CLTC: variants seen among roughly 807,000 people sequenced by gnomAD.
CLTC encodes clathrin heavy chain, also known as clathrin heavy chain 1.
CLTC carries 16 observed loss-of-function variants against 195.8 expected under a neutral mutation model. That is an observed-to-expected ratio of 0.08 (90% CI 0.06 to 0.12). The LOEUF (loss-of-function observed/expected upper bound fraction) is 0.12. CLTC is among the 10% of genes least tolerant of loss of function. The pLI, the probability that CLTC is intolerant of heterozygous loss-of-function variation, is 1.00. For missense variants in CLTC, 796 were observed against 2,027.0 expected (o/e 0.39, Z 11.66); for synonymous variants, 667 against 689.4 (o/e 0.97, Z 0.51).
Position 59,666,056 on chromosome 17 carries a change from C to T in CLTC, c.1645-47C>T. On this transcript the variant is annotated intron_variant, in intron 10 of 31. Coordinates refer to ENST00000269122, the MANE Select transcript of CLTC (RefSeq NM_004859.4). The surrounding 1 kb of genome is among the most constrained non-coding windows in gnomAD (Gnocchi z 4.9). ...GTTCATGCATAATTTTGTCTACATA[C>T]TCTCCATAGTATCTTAAAACAATTT... 1 of 1,412,320 alleles carries T rather than the reference C, an allele frequency of 7.1e-7. No individual in the cohort carries two copies. Among genetic ancestry groups the T allele is most frequent in the Non-Finnish European group, 9.8e-7 (1 of 1,016,368 alleles). The allele number at this position is 1,412,320 out of a possible 1,614,324, so 87.5% of individuals were successfully genotyped here.
intron 1 of CLTC, among the ~76,000 whole-genome samples, chr17:59,639,161 T>G (rs993961475): frequency 6.6e-5 from 10 of 152,190 alleles, no homozygotes; most frequent in African/African-American, 2.2e-4. Flanking sequence ...ATTTGTATAC[T>G]TTTGTGTCTT....
chr17:59,685,722 G>A lies in CLTC; in HGVS notation c.4741G>A (p.Val1581Ile), dbSNP rs2033170331. ...CTGTTACGATCTTTTAAGGCCAGAT[G>A]TCGTCCTAGAAACTGCATGGAGGCA... Reference protein sequence around the residue: ...FTCYDLLRPDVVLETAWRHNI... With the variant: ...FTCYDLLRPDIVLETAWRHNI... Residue 1581 changes from valine to isoleucine, a missense_variant, in exon 30 of 32, where the codon GTC (valine) becomes ATC (isoleucine). Physicochemically the swap from Val to Ile is conservative, Grantham distance 29. This residue lies in a region of CLTC where 148 missense variants were observed against 279.5 expected (regional missense o/e 0.53). Transcript: ENST00000269122. This position sits in a 1 kb window ranked among gnomAD's most constrained non-coding sequence, Gnocchi z 5.0. 6.2e-7 allele frequency: 1 copy of A among 1,614,096 alleles called. No individual in the cohort carries two copies.
Position 59,648,366 on chromosome 17 carries a change from T to C in CLTC, c.646T>C (p.Phe216Leu). Residue 216 changes from phenylalanine (F) to leucine (L), a missense_variant, in exon 4 of 32, where the codon TTT becomes CTT. By Grantham distance (22) the Phe-to-Leu change is conservative (BLOSUM62 0). Transcript: ENST00000269122. This position sits in a 1 kb window ranked among gnomAD's most constrained non-coding sequence, Gnocchi z 4.5. ...AGGAAATGCAGAAGAATCAACGTTA[T>C]TTTGTTTTGCAGTTCGGGGCCAAGC... ...MEGNAEESTL[F>L]CFAVRGQAGG... is the part of the protein sequence containing the mutation. 6.2e-7 allele frequency: 1 copy of C among 1,614,064 alleles called. No individual in the cohort carries two copies. The highest frequency in any genetic ancestry group is 1.1e-5 in the South Asian group (1 of 91,074).
At chr17:59,658,964 T>A (rs1052735893) in intron 6 of CLTC, among the ~76,000 whole-genome samples, 1 of 152,188 alleles carries the variant, frequency 6.6e-6, no homozygotes, top group East Asian at 1.9e-4. Context: ...AGTAGTAGAA[T>A]TGGCAGGGCA....
chr17:59,675,636 G>T (rs536025924), intron 16 of CLTC, among the ~76,000 whole-genome samples: 9 of 152,120 alleles, frequency 5.9e-5, no homozygotes, highest in Non-Finnish European at 1.2e-4. Flanking sequence ...TGACCTAAAG[G>T]TTTGAGCCTA....
intron 1 of CLTC, among the ~76,000 whole-genome samples, chr17:59,636,709 T>C (rs908718740): frequency 6.6e-6 from 1 of 152,190 alleles, no homozygotes; most frequent in African/African-American, 2.4e-5. Flanking sequence ...AGTCAGGCTA[T>C]CATATTTTAC....
chr17:59,683,253 T>C lies in CLTC; in HGVS notation c.4032T>C (p.Asn1344=), dbSNP rs1219957803. 2 of 1,613,900 alleles carry C rather than the reference T, an allele frequency of 1.2e-6. No homozygotes were observed. Among genetic ancestry groups the C allele is most frequent in the Non-Finnish European group, 1.7e-6 (2 of 1,179,866 alleles). The change falls in exon 25 of 32, where the codon AAT becomes AAC. Residue 1344 remains asparagine, a synonymous_variant. Transcript: ENST00000269122. The surrounding 1 kb of genome is among the most constrained non-coding windows in gnomAD (Gnocchi z 6.1). ...TGGAGCTGTTCTGGTCTAGAGTGAA[T>C]ATTCCCAAGGTAACCAGTCATTGTA... is the stretch of plus-strand genomic sequence containing the variant. ...EHLELFWSRV[N]IPKVLRAAEQ... is the part of the protein sequence containing the mutation.
At chr17:59,660,335 T>G in intron 6 of CLTC, 56 bp from the exon 7 acceptor site, 1 of 1,438,232 alleles carries the variant, frequency 7.0e-7, no homozygotes, top group Non-Finnish European at 9.8e-7. Flanking sequence ...ACAGATTTGG[T>G]ATCATTTGTA....
At position 59,695,099 on chromosome 17, in the gene CLTC, T is replaced by G. The variant is rs576854691; in HGVS notation, c.*1247T>G. ...TGTTATATTAACTTGAAATAAAATATATTTAAACATGTAGTTAACATGCTC... is the reference window on the plus strand; with the variant it reads ...TGTTATATTAACTTGAAATAAAATAGATTTAAACATGTAGTTAACATGCTC... On this transcript the variant is annotated 3_prime_UTR_variant, in exon 32 of 32. Transcript: ENST00000269122. 4.9e-6 allele frequency: 1 copy of G among 203,834 alleles called. No homozygotes were observed. The highest frequency in any genetic ancestry group is 1.9e-4 in the South Asian group (1 of 5,268). 12.6% of individuals were successfully genotyped at this position (203,834 alleles called of 1,614,324 possible). A position where few individuals can be genotyped will look rare whatever the true frequency, so the allele number is the denominator to read the frequency against.
Position 59,620,036 on chromosome 17 carries a change from C to T in CLTC, c.-96C>T, listed in dbSNP as rs1053375665. On this transcript the variant is annotated 5_prime_UTR_variant, in exon 1 of 32. Coordinates refer to ENST00000269122, the MANE Select transcript of CLTC (RefSeq NM_004859.4). ...GAGAGGATCCTGCTGAGCCCAGCCT[C>T]CCCCCTCCCCTTCTCCTCCTCTCCC... 31 of 1,097,262 alleles carry T rather than the reference C, an allele frequency of 2.8e-5. No homozygotes were observed. The highest frequency in any genetic ancestry group is 4.0e-5 in the Non-Finnish European group (29 of 730,148). The allele number at this position is 1,097,262 out of a possible 1,614,324, so 68.0% of individuals were successfully genotyped here. A position where few individuals can be genotyped will look rare whatever the true frequency, so the allele number is the denominator to read the frequency against.
chr17:59,635,553 G>T (rs1245206106), intron 1 of CLTC, among the ~76,000 whole-genome samples: 2 of 152,208 alleles, frequency 1.3e-5, no homozygotes, highest in Non-Finnish European at 2.9e-5. Context: ...ATTGCTGAGA[G>T]TGTGCCTTGG....
intron 1 of CLTC, among the ~76,000 whole-genome samples, chr17:59,624,862 G>A (rs543651913): frequency 6.6e-6 from 1 of 152,236 alleles, no homozygotes; most frequent in East Asian, 1.9e-4. Context: ...TAGAGACAGA[G>A]TCTTGCTATA....
chr17:59,642,190 C>T (rs1415930077), intron 1 of CLTC, among the ~76,000 whole-genome samples: 1 of 152,050 alleles, frequency 6.6e-6, no homozygotes, highest in Admixed American at 6.6e-5. Flanking sequence ...CATCTTCCAC[C>T]TGCCTCTGAA....
intron 1 of CLTC, among the ~76,000 whole-genome samples, chr17:59,626,693 C>T (rs1320230044): frequency 1.3e-5 from 2 of 152,174 alleles, no homozygotes; most frequent in African/African-American, 4.8e-5. Flanking sequence ...ATAAACCTGT[C>T]TTCTGAGCCA....
Position 59,685,709 on chromosome 17 carries a change from T to C in CLTC, c.4728T>C (p.Leu1576=), listed in dbSNP as rs758748347. 6.2e-6 allele frequency: 10 copies of C among 1,614,040 alleles called. No individual in the cohort carries two copies. The highest frequency in any genetic ancestry group is 8.5e-6 in the Non-Finnish European group (10 of 1,179,998). ...CTTGTCTGTTTACCTGTTACGATCT[T>C]TTAAGGCCAGATGTCGTCCTAGAAA... ...FGACLFTCYD[L]LRPDVVLETA... is the part of the protein sequence containing the mutation. Residue 1576 remains leucine (L), a synonymous_variant, in exon 30 of 32, where the codon CTT becomes CTC. Coordinates refer to ENST00000269122, the MANE Select transcript of CLTC (RefSeq NM_004859.4). This position sits in a 1 kb window ranked among gnomAD's most constrained non-coding sequence, Gnocchi z 5.0.
At position 59,685,181 on chromosome 17, in the gene CLTC, C is replaced by T; in HGVS notation, c.4560C>T (p.Arg1520=). 1 of 1,612,158 alleles carries T rather than the reference C, an allele frequency of 6.2e-7. No homozygotes were observed. The highest frequency in any genetic ancestry group is 1.1e-5 in the South Asian group (1 of 90,924). ...IAAYLFKGNN[R]WKQSVELCKK... ...CTTATCTCTTCAAAGGCAACAATCG[C>T]TGGAAACAGAGTGTAGAGCTGTGCA... Residue 1520 remains arginine, a synonymous_variant, in exon 29 of 32, where the codon CGC becomes CGT. Coordinates refer to ENST00000269122, the MANE Select transcript of CLTC (RefSeq NM_004859.4). This position sits in a 1 kb window ranked among gnomAD's most constrained non-coding sequence, Gnocchi z 5.0.
Position 59,619,905 on chromosome 17 carries a change from G to C in CLTC, c.-227G>C, listed in dbSNP as rs1001887121. The C allele has an allele frequency of 5.9e-6, 3 of 510,554 alleles. No homozygotes were observed. The highest frequency in any genetic ancestry group is 5.8e-5 in the African/African-American group (3 of 51,640). 31.6% of individuals were successfully genotyped at this position (510,554 alleles called of 1,614,324 possible). ...CCTTCCGCTGGGCTCAGCCGTTTCC[G>C]GAGTCTGCGCTGCGCCCGGTTCCGC... On this transcript the variant is annotated 5_prime_UTR_variant, in exon 1 of 32. Coordinates refer to ENST00000269122, the MANE Select transcript of CLTC (RefSeq NM_004859.4).
Position 59,681,546 on chromosome 17 carries a change from C to T in CLTC, c.3249+68C>T. 6.3e-7 allele frequency: 1 copy of T among 1,578,414 alleles called. No homozygotes were observed. Among genetic ancestry groups the T allele is most frequent in the Non-Finnish European group, 8.7e-7 (1 of 1,153,572 alleles). On this transcript the variant is annotated intron_variant, in intron 20 of 31. Coordinates refer to ENST00000269122, the MANE Select transcript of CLTC (RefSeq NM_004859.4). This position sits in a 1 kb window ranked among gnomAD's most constrained non-coding sequence, Gnocchi z 5.0. The stretch of plus-strand genomic sequence containing the variant: ...CTATGAGGGTGGGCCTAATTGGTTG[C>T]TACGGCAATAGAGCAGCAATAAAAT...
Position 59,647,365 on chromosome 17 carries a change from T to C in CLTC, c.251-33T>C, listed in dbSNP as rs534058732. The C allele has an allele frequency of 1.6e-5, 25 of 1,558,484 alleles. No homozygotes were observed. In the Admixed American group the frequency reaches 3.1e-4, roughly 19 times the overall value. The stretch of plus-strand genomic sequence containing the variant: ...GGTATTCATTCTAAACTTTACTCTT[T>C]TAATGATTTATAATTCTTGATTTTG... On this transcript the variant is annotated intron_variant, in intron 2 of 31. Coordinates refer to ENST00000269122, the MANE Select transcript of CLTC (RefSeq NM_004859.4).
Sources: allele counts gnomAD v4.1 joint callset (sites outside exome capture counted in the v4.1 genomes callset), GRCh38; gene constraint gnomAD v4.1.1; regional missense constraint gnomAD v4.1.1; non-coding constraint Gnocchi (gnomAD v3.1); transcripts MANE v1.5; gene names NCBI Gene and HGNC (gene_info 2026-07-23, HGNC 2026-07-21).